The following TANGO6 variants were observed in gnomAD, a reference collection of about 807,000 sequenced individuals.
TANGO6 encodes the protein transport and golgi organization 6 homolog, also known as transport and Golgi organization protein 6 homolog.
A neutral mutation model predicts 114.2 loss-of-function variants in TANGO6; 90 were observed. The ratio of observed to expected loss-of-function variants is 0.79; its 90% CI spans 0.66 to 0.94. TANGO6 has a LOEUF of 0.94. Among genes scored for constraint, TANGO6 ranks in the 40% least tolerant of loss-of-function variants. The probability of loss-of-function intolerance (pLI) is 0.00; values close to 1 mark genes in which losing one functional copy is unlikely to be tolerated. For synonymous variants in TANGO6, 477 were observed against 509.8 expected, an observed-to-expected ratio of 0.94 and a Z score of 0.87; for missense variants, 1,274 against 1,315.3, an observed-to-expected ratio of 0.97 and a Z score of 0.49.
chr16:69,003,979 C>T (rs1964068092), intron 15 of TANGO6, among the ~76,000 whole-genome samples: 1 of 151,714 alleles, frequency 6.6e-6, no homozygotes, highest in Admixed American at 6.6e-5. Context: ...ACATTTTAAA[C>T]CCCACTTTAA....
At chr16:68,893,227 A>C (rs1419251253) in intron 7 of TANGO6, among the ~76,000 whole-genome samples, 2 of 152,218 alleles carry the variant, frequency 1.3e-5, no homozygotes, top group African/African-American at 4.8e-5. Context: ...TCAGAGAATC[A>C]TAGATGAGAT....
chr16:68,940,894 A>T (rs1029784300), intron 14 of TANGO6, among the ~76,000 whole-genome samples: 9 of 152,298 alleles, frequency 5.9e-5, no homozygotes, highest in African/African-American at 2.2e-4. Context: ...GAAATATAGG[A>T]ATCTCACATT....
Position 68,902,432 on chromosome 16 carries a change from C to T in TANGO6, c.1595C>T (p.Ser532Phe). Residue 532 changes from serine (S) to phenylalanine (F), a missense_variant, in exon 9 of 18, where the codon TCT becomes TTT. Physicochemically the swap from Ser to Phe is radical, Grantham distance 155. Coordinates refer to ENST00000261778, the MANE Select transcript of TANGO6 (RefSeq NM_024562.2). ...GCAGGGTTGGACAAAGCTGTGCCCT[C>T]TCTCCATTCTCTGTGTCAGTTTAGA... ...GFAGLDKAVP[S>F]LHSLCQFRVA... is the part of the protein sequence containing the mutation. 6.2e-7 allele frequency: 1 copy of T among 1,613,838 alleles called. No homozygotes were observed.
intron 14 of TANGO6, among the ~76,000 whole-genome samples, chr16:68,971,788 C>T (rs538289568): frequency 6.6e-5 from 10 of 151,874 alleles, no homozygotes; most frequent in East Asian, 3.9e-4. Flanking sequence ...CCCGATACCA[C>T]GCCCAGCTAA....
intron 1 of TANGO6, among the ~76,000 whole-genome samples, chr16:68,854,861 A>G (rs1478606658): frequency 1.3e-5 from 2 of 152,088 alleles, no homozygotes; most frequent in Non-Finnish European, 2.9e-5. Context: ...TAAGTTCTCT[A>G]ACATTGTTCT....
intron 14 of TANGO6, among the ~76,000 whole-genome samples, chr16:68,958,095 C>T (rs1034436409): frequency 6.0e-5 from 9 of 150,958 alleles, no homozygotes; most frequent in Admixed American, 4.6e-4. Flanking sequence ...TCACTTGAAC[C>T]GGGAGGCAAA....
chr16:68,980,409 C>CTCTCTCTATATATA (rs1408626276), intron 15 of TANGO6, among the ~76,000 whole-genome samples: 2 of 67,994 alleles, frequency 2.9e-5, no homozygotes, highest in African/African-American at 1.3e-4. Context: ...CTCTCTCTCT[C>CTCTCTCTATATATA]TATATATATA....
chr16:68,932,506 G>A (rs904507020), intron 14 of TANGO6, among the ~76,000 whole-genome samples: 2 of 152,094 alleles, frequency 1.3e-5, no homozygotes, highest in Non-Finnish European at 2.9e-5. Flanking sequence ...CATTAGGACC[G>A]GGAGCAGTGG....
chr16:69,006,403 C>T lies in TANGO6; in HGVS notation c.2843-16425C>T, dbSNP rs1964092089. 2.6e-5 allele frequency among the ~76,000 whole-genome samples: 4 copies of T among 152,094 alleles called. No homozygotes were observed. In the South Asian group the frequency reaches 8.3e-4, roughly 31 times the overall value. ...CCAGCTTCACTGAAAAATAGATTCT[C>T]CAGTCCTCGTTCTGACCCTTTCATT... On this transcript the variant is annotated intron_variant, in intron 15 of 17. Transcript: ENST00000261778.
intron 14 of TANGO6, among the ~76,000 whole-genome samples, chr16:68,961,890 A>C (rs1201445228): frequency 4.6e-5 from 7 of 152,212 alleles, no homozygotes. Context: ...CACAAAGATA[A>C]TAAAGAATTC....
intron 1 of TANGO6, among the ~76,000 whole-genome samples, chr16:68,856,760 A>G (rs900379001): frequency 2.6e-5 from 4 of 152,164 alleles, no homozygotes; most frequent in Non-Finnish European, 5.9e-5. Context: ...CAAATGCATA[A>G]TATCATATAT....
intron 14 of TANGO6, among the ~76,000 whole-genome samples, chr16:68,941,137 A>G (rs1020537078): frequency 6.6e-6 from 1 of 152,214 alleles, no homozygotes; most frequent in Non-Finnish European, 1.5e-5. Context: ...AAATAACCAT[A>G]TTGTCCTAAG....
At chr16:68,947,892 T>A (rs1963433552) in intron 14 of TANGO6, among the ~76,000 whole-genome samples, 1 of 152,096 alleles carries the variant, frequency 6.6e-6, no homozygotes, top group Non-Finnish European at 1.5e-5. Flanking sequence ...ACGCCCAGAC[T>A]ACAACCCATC....
chr16:69,070,655 C>T lies in TANGO6; in HGVS notation c.3109-12830C>T, dbSNP rs1007492424. Among the ~76,000 whole-genome samples the T allele has an allele frequency of 4.0e-4, 59 of 146,856 alleles. 1 individual carries two copies. Among genetic ancestry groups the T allele is most frequent in the Admixed American group, 1.8e-3 (26 of 14,676 alleles). On this transcript the variant is annotated intron_variant, in intron 17 of 17. Coordinates refer to ENST00000261778, the MANE Select transcript of TANGO6 (RefSeq NM_024562.2). Reference sequence around the variant, plus strand: ...CTCAAAAAAAAAAAAAACAAAAAAACACACACAAAAGATCTTGGGGAGATG... The same window carrying T: ...CTCAAAAAAAAAAAAAACAAAAAAATACACACAAAAGATCTTGGGGAGATG...
In TANGO6 at chr16:69,067,713, G is replaced by A. The variant is rs186319808; in HGVS notation, c.3109-15772G>A. 1.8e-3 allele frequency among the ~76,000 whole-genome samples: 270 copies of A among 151,858 alleles called. 1 individual carries two copies. The highest frequency in any genetic ancestry group is 6.2e-3 in the African/African-American group (255 of 41,454). On this transcript the variant is annotated intron_variant, in intron 17 of 17. Transcript: ENST00000261778. Reference sequence around the variant, plus strand: ...AGCACTTTGGGAGGCCGAGGCGGGCGGATCACTTGAAGTTGGGAGTTCAAG... The same window carrying A: ...AGCACTTTGGGAGGCCGAGGCGGGCAGATCACTTGAAGTTGGGAGTTCAAG...
chr16:68,979,265 T>C (rs1455797316), intron 15 of TANGO6, among the ~76,000 whole-genome samples: 4 of 152,038 alleles, frequency 2.6e-5, no homozygotes, highest in South Asian at 2.1e-4. Flanking sequence ...AGTCTTGCTC[T>C]GTTATCCAGG....
At chr16:68,976,205 A>ATG (rs140812747) in intron 15 of TANGO6, among the ~76,000 whole-genome samples, 223 of 152,290 alleles carry the variant, frequency 1.5e-3, no homozygotes, top group African/African-American at 4.8e-3. Context: ...AAGTGCTGAG[A>ATG]TTACAGGCAT....
intron 14 of TANGO6, among the ~76,000 whole-genome samples, chr16:68,953,048 T>TC (rs1963487281): frequency 9.4e-6 from 1 of 106,826 alleles, no homozygotes; most frequent in South Asian, 3.2e-4. Context: ...CAACAGGTAT[T>TC]TTTTATTATT....
At chr16:68,954,803 C>T (rs1489990612) in intron 14 of TANGO6, among the ~76,000 whole-genome samples, 1 of 152,152 alleles carries the variant, frequency 6.6e-6, no homozygotes, top group Non-Finnish European at 1.5e-5. Flanking sequence ...TATTTTAGGC[C>T]AGTGGGTTTT....
Sources: allele counts gnomAD v4.1 joint callset (sites outside exome capture counted in the v4.1 genomes callset), GRCh38; gene constraint gnomAD v4.1.1; transcripts MANE v1.5; gene names NCBI Gene and HGNC (gene_info 2026-07-23, HGNC 2026-07-21).